NREP: variants seen among roughly 807,000 people sequenced by gnomAD.
NREP encodes neuronal regeneration related protein, also known as neuronal regeneration-related protein.
NREP carries 5 observed loss-of-function variants against 8.6 expected under a neutral mutation model. That is an observed-to-expected ratio of 0.58 (90% CI 0.30 to 1.22). The LOEUF (loss-of-function observed/expected upper bound fraction) is 1.22, where lower values mean the gene tolerates loss of function less well. NREP is among the 50% of genes most tolerant of loss of function. The probability of loss-of-function intolerance (pLI) is 0.07; values close to 1 mark genes in which losing one functional copy is unlikely to be tolerated. For missense variants in NREP, 86 were observed against 82.5 expected, an observed-to-expected ratio of 1.04 and a Z score of -0.17; for synonymous variants, 27 against 28.0, an observed-to-expected ratio of 0.96 and a Z score of 0.11.
At chr5:111,732,862 G>A (rs1186773956) in intron 3 of NREP, 1 of 152,096 alleles carries the variant, frequency 6.6e-6, no homozygotes, top group Non-Finnish European at 1.5e-5. Flanking sequence ...GTTGATAAAT[G>A]TTAACTCAAC....
intron 2 of NREP, among the ~76,000 whole-genome samples, chr5:111,837,154 G>T (rs975940860): frequency 6.6e-6 from 1 of 152,026 alleles, no homozygotes; most frequent in African/African-American, 2.4e-5. Context: ...CTATTACAGT[G>T]AATAAAGTCT....
At position 111,969,884 on chromosome 5, in the gene NREP, G is replaced by A. The variant is rs114838391; in HGVS notation, c.135+5390C>T. Reference sequence around the variant, plus strand: ...GTACTGGTGGATTGAGAAGGGTGGGGACTAGTGAAGGAAAGTTGCTCCATT... The same window carrying A: ...GTACTGGTGGATTGAGAAGGGTGGGAACTAGTGAAGGAAAGTTGCTCCATT... On this transcript the variant is annotated intron_variant, in intron 2 of 3. Transcript: ENST00000395634. 8.5e-3 allele frequency among the ~76,000 whole-genome samples: 1,295 copies of A among 152,276 alleles called. 22 individuals are homozygous for A. Among genetic ancestry groups the A allele is most frequent in the African/African-American group, 0.03 (1,235 of 41,550 alleles).
chr5:111,763,046 A>C (rs1751000884), intron 2 of NREP, among the ~76,000 whole-genome samples: 1 of 152,196 alleles, frequency 6.6e-6, no homozygotes, highest in African/African-American at 2.4e-5. Flanking sequence ...TCCAAAACAC[A>C]TAAGGGAAAG....
intron 1 of NREP, chr5:111,756,282 T>C: frequency 1.7e-6 from 1 of 571,614 alleles, no homozygotes; most frequent in Non-Finnish European, 2.1e-6. Context: ...CTGCATTACA[T>C]AACCTTCCGT....
intron 2 of NREP, among the ~76,000 whole-genome samples, chr5:111,856,118 G>A (rs1753421646): frequency 6.6e-6 from 1 of 152,140 alleles, no homozygotes; most frequent in African/African-American, 2.4e-5. Flanking sequence ...AAGCATGGTG[G>A]GGGATCTGGG....
intron 2 of NREP, among the ~76,000 whole-genome samples, chr5:111,813,200 C>G (rs1445490610): frequency 6.6e-6 from 1 of 152,226 alleles, no homozygotes; most frequent in Non-Finnish European, 1.5e-5. Context: ...TTTAGCTGGT[C>G]CGTGGCAGAG....
chr5:111,870,017 T>C (rs1753753589), intron 2 of NREP, among the ~76,000 whole-genome samples: 2 of 152,192 alleles, frequency 1.3e-5, no homozygotes, highest in African/African-American at 4.8e-5. Flanking sequence ...CTCTTAAACT[T>C]CAACTCTCCA....
intron 2 of NREP, among the ~76,000 whole-genome samples, chr5:111,802,674 T>G (rs1231801927): frequency 1.3e-5 from 2 of 152,264 alleles, no homozygotes; most frequent in African/African-American, 4.8e-5. Context: ...AATCAACATG[T>G]CTTTCAGCAC....
chr5:111,954,522 T>C (rs1299721611), intron 2 of NREP, among the ~76,000 whole-genome samples: 4 of 152,172 alleles, frequency 2.6e-5, no homozygotes, highest in Admixed American at 6.6e-5. Flanking sequence ...TGCATTTTGA[T>C]ACCATTGAAG....
At chr5:111,777,811 A>C (rs1307897058) in intron 2 of NREP, among the ~76,000 whole-genome samples, 1 of 152,124 alleles carries the variant, frequency 6.6e-6, no homozygotes, top group Non-Finnish European at 1.5e-5. Context: ...GTATAACTAA[A>C]GTATGGCCAG....
At chr5:111,946,075 C>G (rs1460342332) in intron 2 of NREP, among the ~76,000 whole-genome samples, 10 of 18,362 alleles carry the variant, frequency 5.4e-4, no homozygotes, top group Non-Finnish European at 8.5e-4. Context: ...AGATTTTGAT[C>G]ACACACACAC....
intron 2 of NREP, among the ~76,000 whole-genome samples, chr5:111,929,534 T>G (rs542359891): frequency 2.6e-5 from 4 of 152,318 alleles, no homozygotes; most frequent in Non-Finnish European, 5.9e-5. Flanking sequence ...ATTTAGACAG[T>G]TTTTAACCTA....
intron 2 of NREP, among the ~76,000 whole-genome samples, chr5:111,778,339 G>C (rs6896265): frequency 0.99 from 150,601 of 152,318 alleles, 74,479 homozygotes; most frequent in East Asian, 1. Context: ...AGTGTTAAAT[G>C]TCCACAACAT....
At chr5:111,953,952 G>C (rs1184027697) in intron 2 of NREP, among the ~76,000 whole-genome samples, 1 of 152,128 alleles carries the variant, frequency 6.6e-6, no homozygotes, top group Non-Finnish European at 1.5e-5. Flanking sequence ...ACCTGAGGGA[G>C]TATCAGCATG....
intron 2 of NREP, among the ~76,000 whole-genome samples, chr5:111,852,597 C>T (rs1753337474): frequency 6.6e-6 from 1 of 152,082 alleles, no homozygotes. Flanking sequence ...AGCCGGGAGT[C>T]CTGGGTTTTA....
At chr5:111,807,819 A>G (rs1752175175) in intron 2 of NREP, among the ~76,000 whole-genome samples, 1 of 152,230 alleles carries the variant, frequency 6.6e-6, no homozygotes. Context: ...ATAAATGTAT[A>G]AAATTTCCAC....
chr5:111,867,268 G>T (rs1293641163), intron 2 of NREP, among the ~76,000 whole-genome samples: 1 of 152,096 alleles, frequency 6.6e-6, no homozygotes, highest in Non-Finnish European at 1.5e-5. Flanking sequence ...TGGATCTAAA[G>T]ACTGGAAGTC....
At position 111,964,855 on chromosome 5, in the gene NREP, C is replaced by CA. The variant is rs58877839; in HGVS notation, c.135+10418dup. ...AGTCTACTTAGAATGCTTTCAGCAG[C>CA]AAAAAAAAAAAAAAAAAAAAAAAAA... On this transcript the variant is annotated intron_variant, in intron 2 of 3. Transcript: ENST00000395634. Among the ~76,000 whole-genome samples the CA allele has an allele frequency of 1.4e-3, 64 of 44,882 alleles. 4 individuals are homozygous for CA. The highest frequency in any genetic ancestry group is 1.7e-3 in the African/African-American group (26 of 15,740). The allele number at this position is 44,882 out of a possible 152,430, so 29.4% of individuals were successfully genotyped here. A position where few individuals can be genotyped will look rare whatever the true frequency, so the allele number is the denominator to read the frequency against.
chr5:111,822,927 G>GGA (rs1394272959), intron 2 of NREP, among the ~76,000 whole-genome samples: 1 of 152,136 alleles, frequency 6.6e-6, no homozygotes, highest in East Asian at 1.9e-4. Flanking sequence ...AAAACTAAAA[G>GGA]CCATATGTTT....
Sources: gnomAD v4.1 joint callset for allele counts (sites outside exome capture counted in the v4.1 genomes callset) on GRCh38, gnomAD v4.1.1 for gene constraint, MANE v1.5 for transcripts, NCBI Gene and HGNC (gene_info 2026-07-23, HGNC 2026-07-21) for gene names.